PLXDC2: variants seen among roughly 807,000 people sequenced by gnomAD.
The protein encoded by PLXDC2 is plexin domain-containing protein 2.
A neutral mutation model predicts 68.9 loss-of-function variants in PLXDC2; 40 were observed. The observed-to-expected ratio is 0.58, with a 90% confidence interval of 0.45 to 0.76. The LOEUF (loss-of-function observed/expected upper bound fraction) is 0.76, where lower values mean the gene tolerates loss of function less well. Ranked by LOEUF, PLXDC2 falls within the 30% of genes least tolerant of loss-of-function variation. PLXDC2 has a pLI of 0.00. For synonymous variants in PLXDC2, 243 were observed against 234.2 expected, an observed-to-expected ratio of 1.04 and a Z score of -0.34; for missense variants, 644 against 661.9, an observed-to-expected ratio of 0.97 and a Z score of 0.30.
chr10:19,922,114 C>G (rs1006848313), intron 1 of PLXDC2, among the ~76,000 whole-genome samples: 6 of 152,178 alleles, frequency 3.9e-5, no homozygotes, highest in Admixed American at 6.5e-5. Context: ...CTGCCGCAGC[C>G]TCCCAAAGTG....
rs188356909 is a variant in PLXDC2 at position 20,002,552 on chromosome 10, C to T, written c.324+566C>T. The stretch of plus-strand genomic sequence containing the variant: ...GGGATTACAGGCATGAGCCACCTCA[C>T]CTGGTCCTGTGTAACAGCATCTAAG... On this transcript the variant is annotated intron_variant, in intron 2 of 13. Transcript: ENST00000377252. Among the ~76,000 whole-genome samples the T allele has an allele frequency of 6.7e-3, 1,020 of 152,308 alleles. 15 individuals carry two copies. The highest frequency in any genetic ancestry group is 0.023 in the African/African-American group (972 of 41,580).
At chr10:20,009,503 T>A (rs922329998) in intron 2 of PLXDC2, among the ~76,000 whole-genome samples, 1 of 151,994 alleles carries the variant, frequency 6.6e-6, no homozygotes, top group Non-Finnish European at 1.5e-5. Context: ...ATCTTGGACC[T>A]CCAAGTGTAT....
At chr10:19,892,789 C>T (rs979092770) in intron 1 of PLXDC2, among the ~76,000 whole-genome samples, 13 of 152,072 alleles carry the variant, frequency 8.5e-5, no homozygotes, top group African/African-American at 2.9e-4. Flanking sequence ...TCTGCTGGGC[C>T]GGCACAACAA....
At chr10:19,827,851 G>A (rs937613318) in intron 1 of PLXDC2, among the ~76,000 whole-genome samples, 6 of 152,222 alleles carry the variant, frequency 3.9e-5, no homozygotes, top group South Asian at 4.1e-4. Context: ...GAGCCACCGC[G>A]CCCAGCCATC....
chr10:20,184,814 T>C (rs1834658194), intron 9 of PLXDC2, among the ~76,000 whole-genome samples: 1 of 151,862 alleles, frequency 6.6e-6, no homozygotes. Context: ...GCATTAAGTG[T>C]GATTTTAATA....
chr10:20,143,518 T>A, intron 5 of PLXDC2, 101 bp downstream of exon 5: 1 of 1,441,718 alleles, frequency 6.9e-7, no homozygotes, highest in Non-Finnish European at 9.5e-7. Context: ...TTTTGGTGTG[T>A]AAACTGCTTG....
At chr10:20,047,735 C>T (rs1265926630) in intron 3 of PLXDC2, among the ~76,000 whole-genome samples, 1 of 152,068 alleles carries the variant, frequency 6.6e-6, no homozygotes, top group Non-Finnish European at 1.5e-5. Context: ...TTCCAATCTC[C>T]ACAACAATCC....
intron 1 of PLXDC2, among the ~76,000 whole-genome samples, chr10:19,861,495 G>T (rs1006120599): frequency 2.6e-5 from 4 of 152,098 alleles, no homozygotes; most frequent in Non-Finnish European, 5.9e-5. Flanking sequence ...CCATGAGATT[G>T]TCTGAACCCT....
At chr10:20,209,792 C>T (rs190263113) in intron 9 of PLXDC2, among the ~76,000 whole-genome samples, 8 of 152,000 alleles carry the variant, frequency 5.3e-5, no homozygotes, top group Admixed American at 2.6e-4. Flanking sequence ...CCTCAGCTTA[C>T]GAAGATGACA....
intron 7 of PLXDC2, among the ~76,000 whole-genome samples, chr10:20,175,545 G>T (rs964806343): frequency 6.6e-6 from 1 of 152,072 alleles, no homozygotes; most frequent in African/African-American, 2.4e-5. Flanking sequence ...AATTAACTAG[G>T]CATGGGGGTG....
rs568177066 is a variant in PLXDC2, at chr10:19,995,035, G to A, written c.113-6740G>A. On this transcript the variant is annotated intron_variant, in intron 1 of 13. Coordinates refer to ENST00000377252, the MANE Select transcript of PLXDC2 (RefSeq NM_032812.9). The stretch of plus-strand genomic sequence containing the variant: ...TGGGATTACAGGCGTGAGCCACAGC[G>A]CCAGGCCTCTTTGAATTTTTATTAA... 1.6e-4 allele frequency among the ~76,000 whole-genome samples: 24 copies of A among 152,218 alleles called. No individual in the cohort carries two copies. In the East Asian group the frequency reaches 2.3e-3, roughly 15 times the overall value.
At chr10:19,872,706 A>G (rs534970077) in intron 1 of PLXDC2, among the ~76,000 whole-genome samples, 1 of 152,066 alleles carries the variant, frequency 6.6e-6, no homozygotes, top group African/African-American at 2.4e-5. Flanking sequence ...AGAGTTAGAG[A>G]CAGGGTGGGG....
At chr10:19,937,994 C>T (rs977247521) in intron 1 of PLXDC2, among the ~76,000 whole-genome samples, 2 of 152,084 alleles carry the variant, frequency 1.3e-5, no homozygotes, top group Admixed American at 6.5e-5. Context: ...TTTCCTTCAG[C>T]CCTGGATGCT....
intron 12 of PLXDC2, among the ~76,000 whole-genome samples, chr10:20,228,119 C>T (rs2131874990): frequency 6.6e-6 from 1 of 152,066 alleles, no homozygotes; most frequent in East Asian, 1.9e-4. Context: ...ATGTTGATAT[C>T]TAAATGAAAA....
At chr10:20,116,306 T>C (rs1318703203) in intron 4 of PLXDC2, among the ~76,000 whole-genome samples, 2 of 152,154 alleles carry the variant, frequency 1.3e-5, no homozygotes, top group Non-Finnish European at 2.9e-5. Flanking sequence ...ACTTGGAAGG[T>C]CTTTTTCTCT....
intron 2 of PLXDC2, among the ~76,000 whole-genome samples, chr10:20,003,188 C>T (rs1589580124): frequency 6.6e-6 from 1 of 152,118 alleles, no homozygotes; most frequent in African/African-American, 2.4e-5. Context: ...AAACTAGGTA[C>T]AACAGAAACA....
At chr10:20,236,648 A>G (rs988982992) in intron 12 of PLXDC2, among the ~76,000 whole-genome samples, 1 of 152,172 alleles carries the variant, frequency 6.6e-6, no homozygotes, top group Non-Finnish European at 1.5e-5. Flanking sequence ...GGGTTTTCCA[A>G]ATATTTATTT....
intron 2 of PLXDC2, among the ~76,000 whole-genome samples, chr10:20,017,625 A>T (rs1408253193): frequency 6.6e-6 from 1 of 152,202 alleles, no homozygotes; most frequent in Non-Finnish European, 1.5e-5. Flanking sequence ...CATCCGAACA[A>T]ATAGTAGAGG....
chr10:20,258,918 G>C (rs1835776604), intron 13 of PLXDC2, among the ~76,000 whole-genome samples: 1 of 150,984 alleles, frequency 6.6e-6, no homozygotes, highest in Non-Finnish European at 1.5e-5. Context: ...TGAGGCAGGA[G>C]AATGGCATGA....
Sources: gnomAD v4.1 joint callset for allele counts (sites outside exome capture counted in the v4.1 genomes callset) on GRCh38, gnomAD v4.1.1 for gene constraint, MANE v1.5 for transcripts, NCBI Gene and HGNC (gene_info 2026-07-23, HGNC 2026-07-21) for gene names.